The following IPO11 variants were observed in gnomAD, a reference collection of about 807,000 sequenced individuals.
The protein encoded by IPO11 is importin 11, also known as importin-11.
IPO11 carries 66 observed loss-of-function variants against 143.2 expected under a neutral mutation model. The ratio of observed to expected loss-of-function variants is 0.46; its 90% CI spans 0.38 to 0.57. IPO11 has a LOEUF of 0.57. Ranked by LOEUF, IPO11 falls within the 20% of genes least tolerant of loss-of-function variation. IPO11 has a pLI of 0.00. For missense variants in IPO11, 1,026 were observed against 1,141.0 expected (o/e 0.90, Z 1.45); for synonymous variants, 385 against 377.8 (o/e 1.02, Z -0.22).
chr5:62,495,434 GT>G (rs1301343051), intron 16 of IPO11, among the ~76,000 whole-genome samples: 1 of 152,148 alleles, frequency 6.6e-6, no homozygotes, highest in East Asian at 1.9e-4. Flanking sequence ...TTTCAATTAA[GT>G]TTTCTTTGGG....
intron 24 of IPO11, among the ~76,000 whole-genome samples, chr5:62,546,081 A>T (rs1242980666): frequency 6.6e-6 from 1 of 152,246 alleles, no homozygotes; most frequent in East Asian, 1.9e-4. Context: ...CATTTGGCCC[A>T]GCCGTCCCAT....
intron 24 of IPO11, among the ~76,000 whole-genome samples, chr5:62,549,077 A>T (rs947047633): frequency 7.3e-6 from 1 of 137,174 alleles, no homozygotes; most frequent in African/African-American, 2.7e-5. Context: ...TTTTTCCCAG[A>T]TCTAGTTGTG....
At chr5:62,421,228 A>G (rs1424080506) in intron 1 of IPO11, among the ~76,000 whole-genome samples, 2 of 152,208 alleles carry the variant, frequency 1.3e-5, no homozygotes, top group Non-Finnish European at 2.9e-5. Flanking sequence ...TTGTTGATTC[A>G]CAAGGGTTCC....
At chr5:62,578,383 A>G (rs536294450) in intron 27 of IPO11, among the ~76,000 whole-genome samples, 3 of 152,204 alleles carry the variant, frequency 2.0e-5, no homozygotes, top group Admixed American at 6.5e-5. Flanking sequence ...TAAGTCTTCA[A>G]TGCGTATTTA....
chr5:62,537,342 A>G, intron 24 of IPO11, 53 bp downstream of exon 24: 2 of 1,164,460 alleles, frequency 1.7e-6, no homozygotes, highest in South Asian at 1.3e-5. Flanking sequence ...TTTATATTTT[A>G]TGAAATTGGA....
At chr5:62,557,812 A>T (rs1743629231) in intron 26 of IPO11, among the ~76,000 whole-genome samples, 1 of 152,116 alleles carries the variant, frequency 6.6e-6, no homozygotes, top group African/African-American at 2.4e-5. Context: ...TACACTGATG[A>T]GGTTTGACTG....
intron 9 of IPO11, among the ~76,000 whole-genome samples, chr5:62,480,545 C>T (rs1027519507): frequency 2.0e-5 from 3 of 152,124 alleles, no homozygotes; most frequent in Non-Finnish European, 1.5e-5. Context: ...TGGCCATTTT[C>T]ACGATATTGA....
At chr5:62,598,429 T>TC (rs1745331003) in intron 28 of IPO11, among the ~76,000 whole-genome samples, 2 of 4,384 alleles carry the variant, frequency 4.6e-4, no homozygotes, top group South Asian at 0.01. Flanking sequence ...TCTTTCTTTC[T>TC]TTCTCTCTCT....
chr5:62,468,945 A>G (rs1364266975), intron 6 of IPO11, among the ~76,000 whole-genome samples: 3 of 152,226 alleles, frequency 2.0e-5, no homozygotes, highest in Non-Finnish European at 2.9e-5. Context: ...ACATGGATGC[A>G]TTCATTATTT....
intron 27 of IPO11, among the ~76,000 whole-genome samples, chr5:62,585,307 A>G (rs183494554): frequency 6.6e-6 from 1 of 152,320 alleles, no homozygotes; most frequent in African/African-American, 2.4e-5. Context: ...CTTCTCATCT[A>G]TGAAAGCATC....
intron 24 of IPO11, among the ~76,000 whole-genome samples, chr5:62,540,060 C>T (rs527859592): frequency 1.3e-5 from 2 of 152,286 alleles, no homozygotes; most frequent in East Asian, 3.9e-4. Context: ...TACTGAGCTT[C>T]TCCATTATCC....
At chr5:62,548,811 C>T (rs183519723) in intron 24 of IPO11, among the ~76,000 whole-genome samples, 52 of 152,138 alleles carry the variant, frequency 3.4e-4, no homozygotes, top group African/African-American at 1.3e-3. Context: ...TGACTTGAGT[C>T]AGTTTCCTCT....
intron 19 of IPO11, among the ~76,000 whole-genome samples, chr5:62,508,951 C>T (rs766681287): frequency 1.2e-4 from 19 of 152,142 alleles, no homozygotes; most frequent in Non-Finnish European, 1.9e-4. Flanking sequence ...GAATACTATG[C>T]AGCCATAAAG....
intron 1 of IPO11, among the ~76,000 whole-genome samples, chr5:62,431,248 G>A (rs1012298650): frequency 2.6e-5 from 4 of 152,038 alleles, no homozygotes; most frequent in Non-Finnish European, 4.4e-5. Flanking sequence ...CAAAGTGCTG[G>A]CATTACAGGT....
At chr5:62,506,467 C>A in intron 19 of IPO11, 110 bp downstream of exon 19, 1 of 598,898 alleles carries the variant, frequency 1.7e-6, no homozygotes, top group African/African-American at 1.8e-5. Context: ...AATTGAAATG[C>A]TTCTAACTTA....
intron 2 of IPO11, among the ~76,000 whole-genome samples, chr5:62,438,883 T>C (rs764329592): frequency 6.6e-6 from 1 of 150,654 alleles, no homozygotes; most frequent in Non-Finnish European, 1.5e-5. Context: ...CACGGTGAAA[T>C]CCCGTCTCTA....
At chr5:62,550,309 G>T in intron 24 of IPO11, 58 bp from the exon 25 acceptor site, 1 of 1,308,976 alleles carries the variant, frequency 7.6e-7, no homozygotes, top group African/African-American at 1.5e-5. Context: ...CCTTACATGT[G>T]TTTTTCATAA....
intron 21 of IPO11, among the ~76,000 whole-genome samples, chr5:62,528,909 T>C (rs2112310125): frequency 6.6e-6 from 1 of 152,344 alleles, no homozygotes; most frequent in South Asian, 2.1e-4. Flanking sequence ...TTATGTGATT[T>C]ATCTCCTACT....
intron 19 of IPO11, among the ~76,000 whole-genome samples, chr5:62,506,867 C>T (rs909588335): frequency 7.9e-5 from 12 of 152,122 alleles, no homozygotes; most frequent in African/African-American, 2.9e-4. Flanking sequence ...CTGTAATTAT[C>T]GTTGTGACTT....
Sources: gnomAD v4.1 joint callset for allele counts (sites outside exome capture counted in the v4.1 genomes callset) on GRCh38, gnomAD v4.1.1 for gene constraint, MANE v1.5 for transcripts, NCBI Gene and HGNC (gene_info 2026-07-23, HGNC 2026-07-21) for gene names.